SLC26A4: variants seen among roughly 807,000 people sequenced by gnomAD.
SLC26A4 encodes solute carrier family 26 member 4, also known as pendrin.
A neutral mutation model predicts 90.4 loss-of-function variants in SLC26A4; 93 were observed. The ratio of observed to expected loss-of-function variants is 1.03; its 90% CI spans 0.87 to 1.22. The LOEUF is 1.22. Ranked by LOEUF, SLC26A4 falls within the 50% of genes most tolerant of loss-of-function variation. The probability of loss-of-function intolerance (pLI) is 0.00; values close to 1 mark genes in which losing one functional copy is unlikely to be tolerated. For synonymous variants in SLC26A4, 393 were observed against 354.6 expected, an observed-to-expected ratio of 1.11 and a Z score of -1.22; for missense variants, 1,127 against 946.2, an observed-to-expected ratio of 1.19 and a Z score of -2.51.
chr7:107,705,716 G>A (rs1448088765), intron 18 of SLC26A4, among the ~76,000 whole-genome samples: 1 of 152,198 alleles, frequency 6.6e-6, no homozygotes. Flanking sequence ...GCACTATCCT[G>A]CCAAGTGAAA....
chr7:107,699,991 T>A, intron 14 of SLC26A4, 92 bp from the exon 15 acceptor site: 2 of 802,372 alleles, frequency 2.5e-6, no homozygotes, highest in Admixed American at 1.8e-5. Flanking sequence ...TCTGAGCAAC[T>A]GTGACTTGAC....
In SLC26A4 at chr7:107,689,158, A is replaced by T; in HGVS notation, c.1107A>T (p.Lys369Asn). ...ATGCTATTGCAGTGTCAGTAGGAAA[A>T]GTATATGCCACCAAGTATGATTACA... The part of the protein sequence containing the change: ...VAYAIAVSVG[K>N]VYATKYDYTI... The change falls in exon 9 of 21, where the codon AAA becomes AAT. Residue 369 changes from lysine (K) to asparagine (N), a missense_variant. Physicochemically the swap from Lys to Asn is moderately conservative, Grantham distance 94. Transcript: ENST00000644269. 1.2e-6 allele frequency: 2 copies of T among 1,613,908 alleles called. No individual in the cohort carries two copies. The highest frequency in any genetic ancestry group is 1.7e-6 in the Non-Finnish European group (2 of 1,179,838).
Position 107,684,016 on chromosome 7 carries a change from A to G in SLC26A4, c.1001+479A>G, listed in dbSNP as rs571778222. Among the ~76,000 whole-genome samples, 122 of 152,324 alleles carry G rather than the reference A, an allele frequency of 8.0e-4. 1 individual carries two copies. Among genetic ancestry groups the G allele is most frequent in the Non-Finnish European group, 1.3e-3 (89 of 68,034 alleles). The stretch of plus-strand genomic sequence containing the variant: ...AAGGGAAGTTTTAGAAACATTTGGT[A>G]GTTTGGTGAATTAGAAGAGTAAAAG... On this transcript the variant is annotated intron_variant, in intron 8 of 20. Transcript: ENST00000644269.
At chr7:107,664,047 TA>T (rs913870792) in intron 3 of SLC26A4, among the ~76,000 whole-genome samples, 128 of 145,260 alleles carry the variant, frequency 8.8e-4, no homozygotes, top group Non-Finnish European at 8.8e-4. Flanking sequence ...AGTCAAGATT[TA>T]AAAAAAAAAA....
chr7:107,684,181 T>G (rs1791331918), intron 8 of SLC26A4, among the ~76,000 whole-genome samples: 1 of 152,118 alleles, frequency 6.6e-6, no homozygotes. Flanking sequence ...TCTCATGAAA[T>G]GAAGAGTAGT....
At position 107,686,344 on chromosome 7, in the gene SLC26A4, T is replaced by C. The variant is rs368373872; in HGVS notation, c.1002-2709T>C. 2.4e-3 allele frequency among the ~76,000 whole-genome samples: 334 copies of C among 136,998 alleles called. 3 individuals carry two copies. Among genetic ancestry groups the C allele is most frequent in the African/African-American group, 7.8e-3 (289 of 37,056 alleles). 89.9% of individuals were successfully genotyped at this position (136,998 alleles called of 152,430 possible). ...CTCCCTTTCCTACCTGCACTCCCTT[T>C]CCTCCCCTTCCTACCTTCCCTCCCT... On this transcript the variant is annotated intron_variant, in intron 8 of 20. Transcript: ENST00000644269.
In SLC26A4 at chr7:107,675,093, TTCTC is replaced by T; in HGVS notation, c.753_756del (p.Ser252LeufsTer36). 1.2e-6 allele frequency: 2 copies of T among 1,611,044 alleles called. No individual in the cohort carries two copies. The highest frequency in any genetic ancestry group is 1.7e-6 in the Non-Finnish European group (2 of 1,179,172). On this transcript the variant is annotated frameshift_variant, in exon 6 of 21. Coordinates refer to ENST00000644269, the MANE Select transcript of SLC26A4 (RefSeq NM_000441.2). LOFTEE classifies it high-confidence loss of function. ...GTTTCAACCAAAAACTACAATGGAG[TTCTC>T]TCTATTATCTATGTAAGTGTTGCTT...
intron 10 of SLC26A4, among the ~76,000 whole-genome samples, chr7:107,691,307 A>G (rs1562833856): frequency 6.6e-6 from 1 of 151,936 alleles, no homozygotes; most frequent in East Asian, 1.9e-4. Flanking sequence ...TTCGAGACTA[A>G]CATGGCCAAC....
intron 20 of SLC26A4, among the ~76,000 whole-genome samples, chr7:107,713,970 A>G (rs1792268477): frequency 6.6e-6 from 1 of 152,084 alleles, no homozygotes; most frequent in South Asian, 2.1e-4. Flanking sequence ...ACTGGAGTGC[A>G]GTGGTACAAT....
chr7:107,672,422 A>G (rs927023457), intron 4 of SLC26A4, among the ~76,000 whole-genome samples, 174 bp downstream of exon 4: 9 of 149,834 alleles, frequency 6.0e-5, no homozygotes, highest in African/African-American at 2.2e-4. Context: ...ATCTGTGTTA[A>G]TGTTGTCAGG....
chr7:107,689,920 A>G (rs1190415627), intron 9 of SLC26A4, among the ~76,000 whole-genome samples: 8 of 152,206 alleles, frequency 5.3e-5, no homozygotes, highest in East Asian at 3.8e-4. Flanking sequence ...ATCGAGAGCA[A>G]TGAGACCTCT....
rs1790554387 is a variant in SLC26A4 at position 107,661,650 on chromosome 7, G to T, written c.9G>T (p.Ala3=). The T allele has an allele frequency of 6.4e-7, 1 of 1,564,844 alleles. No individual in the cohort carries two copies. The highest frequency in any genetic ancestry group is 8.6e-7 in the Non-Finnish European group (1 of 1,160,854). The part of the protein sequence containing the change: MA[A]PGGRSEPPQL... ...CCTCTGGCTCGCAGGTCATGGCAGC[G>T]CCAGGCGGCAGGTCGGAGCCGCCGC... Residue 3 remains alanine (A), a synonymous_variant, in exon 2 of 21, where the codon GCG becomes GCT. Transcript: ENST00000644269. This position sits in a 1 kb window ranked among gnomAD's most constrained non-coding sequence, Gnocchi z 5.1.
intron 8 of SLC26A4, among the ~76,000 whole-genome samples, 187 bp downstream of exon 8, chr7:107,683,724 T>C (rs1419404037): frequency 1.3e-5 from 2 of 152,054 alleles, no homozygotes; most frequent in Non-Finnish European, 2.9e-5. Flanking sequence ...AAGCCATTTG[T>C]TTAAAAGCAG....
chr7:107,679,897 A>C (rs1321926624), intron 6 of SLC26A4, among the ~76,000 whole-genome samples: 1 of 81,992 alleles, frequency 1.2e-5, no homozygotes, highest in East Asian at 3.0e-4. Context: ...ATCTTATATA[A>C]TCTTATATTA....
intron 6 of SLC26A4, among the ~76,000 whole-genome samples, chr7:107,681,543 AAT>A (rs1791229749): frequency 2.0e-5 from 3 of 151,362 alleles, no homozygotes; most frequent in East Asian, 1.9e-4. Flanking sequence ...CTTCCTATAA[AAT>A]ATGTCTATAA....
chr7:107,666,176 G>A (rs1790706874), intron 3 of SLC26A4, among the ~76,000 whole-genome samples: 1 of 152,126 alleles, frequency 6.6e-6, no homozygotes, highest in African/African-American at 2.4e-5. Context: ...ATCTATTGTG[G>A]TGGATTAAAT....
At chr7:107,694,811 A>T in intron 12 of SLC26A4, 95 bp downstream of exon 12, 1 of 883,010 alleles carries the variant, frequency 1.1e-6, no homozygotes, top group Non-Finnish European at 1.9e-6. Flanking sequence ...CCTAAGTCTC[A>T]CTTGTGCTTT....
rs971777810 is a variant in SLC26A4 at position 107,689,297 on chromosome 7, G to T, written c.1149+97G>T. 1.1e-5 allele frequency: 14 copies of T among 1,304,500 alleles called. No individual in the cohort carries two copies. In the Admixed American group the frequency reaches 1.5e-4, roughly 14 times the overall value. 80.8% of individuals were successfully genotyped at this position (1,304,500 alleles called of 1,614,324 possible). A position where few individuals can be genotyped will look rare whatever the true frequency, so the allele number is the denominator to read the frequency against. On this transcript the variant is annotated intron_variant, in intron 9 of 20. Coordinates refer to ENST00000644269, the MANE Select transcript of SLC26A4 (RefSeq NM_000441.2). ...TTGGTGTCAGCTAAAGAAGGGGTTG[G>T]ATTCTTTCACCAGACCTTATTGGGT...
intron 8 of SLC26A4, among the ~76,000 whole-genome samples, chr7:107,688,463 AG>A (rs1791479422): frequency 6.6e-6 from 1 of 152,202 alleles, no homozygotes; most frequent in Non-Finnish European, 1.5e-5. Flanking sequence ...TTTGTCAAAC[AG>A]TAGTCATTGG....
Sources: allele counts gnomAD v4.1 joint callset (sites outside exome capture counted in the v4.1 genomes callset), GRCh38; gene constraint gnomAD v4.1.1; non-coding constraint Gnocchi (gnomAD v3.1); transcripts MANE v1.5; gene names NCBI Gene and HGNC (gene_info 2026-07-23, HGNC 2026-07-21).